AKR1B15: variants seen among roughly 807,000 people sequenced by gnomAD.
The protein encoded by AKR1B15 is aldo-keto reductase family 1 member B15, also known as estradiol 17-beta-dehydrogenase AKR1B15.
In AKR1B15, 49 loss-of-function variants were observed where a neutral mutation model predicts 38.5. That is an observed-to-expected ratio of 1.27 (90% CI 1.01 to 1.62). The LOEUF is 1.62. Among genes scored for constraint, AKR1B15 ranks in the 40% most tolerant of loss-of-function variants. The pLI, the probability that AKR1B15 is intolerant of heterozygous loss-of-function variation, is 0.00. For missense variants in AKR1B15, 411 were observed against 381.6 expected (o/e 1.08, Z -0.64); for synonymous variants, 137 against 135.5 (o/e 1.01, Z -0.08).
At chr7:134,577,916 A>G (rs1475988584) in intron 11 of AKR1B15, 130 bp downstream of exon 11, 1 of 1,088,120 alleles carries the variant, frequency 9.2e-7, no homozygotes, top group Non-Finnish European at 1.3e-6. Flanking sequence ...CAGTTTTGAA[A>G]GTTAAAATTT....
intron 2 of AKR1B15, among the ~76,000 whole-genome samples, chr7:134,562,262 G>A (rs1157943994): frequency 2.0e-5 from 3 of 152,210 alleles, no homozygotes; most frequent in African/African-American, 4.8e-5. Context: ...GTGAGCAGCA[G>A]GAAGATTTAT....
At chr7:134,561,170 G>T (rs1464902047) in intron 2 of AKR1B15, among the ~76,000 whole-genome samples, 1 of 152,182 alleles carries the variant, frequency 6.6e-6, no homozygotes, top group Non-Finnish European at 1.5e-5. Context: ...CCCATGTGCA[G>T]ATCCAGGAGA....
intron 3 of AKR1B15, chr7:134,565,636 T>C (rs1794515766): frequency 6.4e-7 from 1 of 1,563,870 alleles, no homozygotes; most frequent in Non-Finnish European, 8.7e-7. Context: ...AGCCTGGAGG[T>C]CGGGTAGGGG....
intron 1 of AKR1B15, among the ~76,000 whole-genome samples, chr7:134,550,938 T>G (rs373979960): frequency 1.3e-4 from 20 of 152,264 alleles, no homozygotes; most frequent in African/African-American, 4.3e-4. Context: ...GAACTCCCGG[T>G]CACCCCGATC....
chr7:134,552,250 G>T (rs2117594527), intron 1 of AKR1B15, among the ~76,000 whole-genome samples: 1 of 152,192 alleles, frequency 6.6e-6, no homozygotes, highest in Admixed American at 6.5e-5. Context: ...CATGTTAGGG[G>T]ACACAATGCC....
chr7:134,572,754 G>A (rs767205130), intron 6 of AKR1B15, among the ~76,000 whole-genome samples: 3 of 151,874 alleles, frequency 2.0e-5, no homozygotes, highest in South Asian at 4.2e-4. Context: ...TGTTTTCTCT[G>A]GCCATTTTTT....
intron 11 of AKR1B15, 110 bp from the exon 12 acceptor site, chr7:134,579,397 G>T (rs1435946301): frequency 2.2e-6 from 2 of 891,656 alleles, no homozygotes; most frequent in Non-Finnish European, 1.7e-6. Context: ...GCAGGGAGGA[G>T]GCTGAGAGAC....
intron 1 of AKR1B15, among the ~76,000 whole-genome samples, chr7:134,553,955 G>A (rs1276881310): frequency 6.6e-6 from 1 of 152,214 alleles, no homozygotes; most frequent in Non-Finnish European, 1.5e-5. Context: ...CCTTGGCACA[G>A]AGGACTGAGT....
At chr7:134,569,603 C>T (rs1433511179) in intron 5 of AKR1B15, 74 bp downstream of exon 5, 1 of 1,461,300 alleles carries the variant, frequency 6.8e-7, no homozygotes, top group African/African-American at 1.4e-5. Flanking sequence ...AACAGAGAGA[C>T]TGGCTGAAGC....
chr7:134,571,974 G>T (rs1033216472), intron 6 of AKR1B15, among the ~76,000 whole-genome samples: 4 of 152,150 alleles, frequency 2.6e-5, no homozygotes, highest in Non-Finnish European at 4.4e-5. Flanking sequence ...CAGAGGGTTT[G>T]GGCCTGGGTT....
At chr7:134,565,415 C>A in intron 3 of AKR1B15, 3 of 1,610,108 alleles carry the variant, frequency 1.9e-6, no homozygotes, top group Admixed American at 1.7e-5. Context: ...CTGGAAGGAA[C>A]CAACTCTGGA....
At position 134,577,678 on chromosome 7, in the gene AKR1B15, A is replaced by G. The variant is rs573602192; in HGVS notation, c.910-26A>G. 2.5e-6 allele frequency: 4 copies of G among 1,610,196 alleles called. No homozygotes were observed. In the East Asian group the frequency reaches 9.0e-5, roughly 36 times the overall value. Reference sequence around the variant, plus strand: ...CACAGCAGTAACAGCCTTACCGATAATGTATTGGAATTCTTTCCTTTCTAG... The same window carrying G: ...CACAGCAGTAACAGCCTTACCGATAGTGTATTGGAATTCTTTCCTTTCTAG... On this transcript the variant is annotated intron_variant, in intron 10 of 11. Transcript: ENST00000457545.
At position 134,579,635 on chromosome 7, in the gene AKR1B15, A is replaced by G. The variant is rs183164593; in HGVS notation, c.*86A>G. ...CTCCACTCAAGAACTATTTTAGCCA[A>G]GCTTATCTGAGATCACAGTGAACTT... On this transcript the variant is annotated 3_prime_UTR_variant, in exon 12 of 12. Transcript: ENST00000457545. 2.4e-6 allele frequency: 3 copies of G among 1,229,146 alleles called. No individual in the cohort carries two copies. Among genetic ancestry groups the G allele is most frequent in the East Asian group, 4.9e-5 (2 of 40,756 alleles). The allele number at this position is 1,229,146 out of a possible 1,614,324, so 76.1% of individuals were successfully genotyped here.
At chr7:134,578,397 G>T (rs757112570) in intron 11 of AKR1B15, among the ~76,000 whole-genome samples, 13 of 152,090 alleles carry the variant, frequency 8.5e-5, no homozygotes, top group Non-Finnish European at 1.8e-4. Context: ...TCCCTGAGGT[G>T]GGATTGTGTT....
chr7:134,571,498 G>T (rs923729266), intron 5 of AKR1B15, 106 bp from the exon 6 acceptor site: 3 of 809,800 alleles, frequency 3.7e-6, no homozygotes, highest in Non-Finnish European at 6.5e-6. Flanking sequence ...TGAAAAAGTG[G>T]TATGCAGATG....
chr7:134,559,945 C>G (rs1585793546), intron 2 of AKR1B15, among the ~76,000 whole-genome samples: 1 of 151,978 alleles, frequency 6.6e-6, no homozygotes, highest in African/African-American at 2.4e-5. Flanking sequence ...TCGTCTCTAA[C>G]AAAAACACAA....
In AKR1B15 at chr7:134,572,804, C is replaced by T. The variant is rs149786227; in HGVS notation, c.513+1123C>T. ...TCCTTTTGCAAATGCTAATAGAGAA[C>T]GAATTGGAGAAATAAGATATAAATG... On this transcript the variant is annotated intron_variant, in intron 6 of 11. Coordinates refer to ENST00000457545, the MANE Select transcript of AKR1B15 (RefSeq NM_001080538.3). Among the ~76,000 whole-genome samples the T allele has an allele frequency of 8.5e-4, 129 of 152,066 alleles. No individual in the cohort carries two copies. The East Asian group carries it at 0.014, about 17-fold the overall frequency.
chr7:134,563,521 C>G (rs1168088135), intron 2 of AKR1B15, among the ~76,000 whole-genome samples: 1 of 152,182 alleles, frequency 6.6e-6, no homozygotes, highest in Non-Finnish European at 1.5e-5. Flanking sequence ...GCACTCCAGC[C>G]TGGGCATCAG....
rs1237473741 is a variant in AKR1B15, at chr7:134,577,751, C to G, written c.957C>G (p.Ser319Arg). 6.2e-7 allele frequency: 1 copy of G among 1,614,000 alleles called. No homozygotes were observed. Among genetic ancestry groups the G allele is most frequent in the East Asian group, 2.2e-5 (1 of 44,812 alleles). ...LSDEEMATIL[S>R]FNRNWRAFDF... ...ATGAGGAGATGGCAACCATACTCAG[C>G]TTCAACAGAAACTGGAGGGCCTTTG... The change falls in exon 11 of 12, where the codon AGC becomes AGG. Residue 319 changes from serine (S) to arginine (R), a missense_variant. Ser to Arg is a moderately radical substitution (Grantham distance 110, BLOSUM62 -1). Transcript: ENST00000457545.
Sources: allele counts gnomAD v4.1 joint callset (sites outside exome capture counted in the v4.1 genomes callset), GRCh38; gene constraint gnomAD v4.1.1; transcripts MANE v1.5; gene names NCBI Gene and HGNC (gene_info 2026-07-23, HGNC 2026-07-21).